The following MPRIP variants were observed in gnomAD, a reference collection of about 807,000 sequenced individuals.
MPRIP encodes the protein myosin phosphatase Rho-interacting protein.
Under a neutral mutation model 234.9 loss-of-function variants are expected in MPRIP, and 59 were observed. The ratio of observed to expected loss-of-function variants is 0.25; its 90% confidence interval spans 0.20 to 0.31. MPRIP has a LOEUF of 0.31. Among genes scored for constraint, MPRIP ranks in the 10% least tolerant of loss-of-function variants. MPRIP has a pLI of 1.00. For missense variants in MPRIP, 2,436 were observed against 3,071.0 expected (o/e 0.79, Z 4.89); for synonymous variants, 1,144 against 1,263.9 (o/e 0.91, Z 2.01).
At chr17:17,062,774 G>A (rs116807601) in intron 1 of MPRIP, among the ~76,000 whole-genome samples, 4 of 152,250 alleles carry the variant, frequency 2.6e-5, no homozygotes, top group African/African-American at 7.2e-5. Flanking sequence ...TCTCTGTTGG[G>A]TGTTGAGCTC....
At chr17:17,066,963 TC>T (rs1220983230) in intron 1 of MPRIP, among the ~76,000 whole-genome samples, 1 of 151,580 alleles carries the variant, frequency 6.6e-6, no homozygotes, top group Non-Finnish European at 1.5e-5. Flanking sequence ...GTCTTGTAGT[TC>T]CCAGGCTGGT....
rs959317778 is a variant in MPRIP, at chr17:17,101,576, A to C, written c.267+23500A>C. 1.8e-4 allele frequency among the ~76,000 whole-genome samples: 27 copies of C among 150,636 alleles called. 1 individual carries two copies. The Admixed American group carries it at 1.8e-3, about 10-fold the overall frequency. On this transcript the variant is annotated intron_variant, in intron 3 of 23. Coordinates refer to ENST00000651222, the MANE Select transcript of MPRIP (RefSeq NM_001364716.4). ...CAAGAGTGAAACTCCATCTCAAAAAAAATTTTTTTTAAACAACAACAACAA... is the reference window on the plus strand; with the variant it reads ...CAAGAGTGAAACTCCATCTCAAAAACAATTTTTTTTAAACAACAACAACAA...
At chr17:17,083,829 C>T (rs1050859332) in intron 3 of MPRIP, among the ~76,000 whole-genome samples, 7 of 152,122 alleles carry the variant, frequency 4.6e-5, no homozygotes, top group African/African-American at 9.7e-5. Context: ...CTGCAACCTC[C>T]GTCTCCCGGG....
intron 3 of MPRIP, among the ~76,000 whole-genome samples, chr17:17,123,703 C>CAAAAAAAAAAAA (rs371753802): frequency 6.8e-4 from 40 of 58,814 alleles, no homozygotes; most frequent in Non-Finnish European, 1.1e-3. Flanking sequence ...GACTTCGTCT[C>CAAAAAAAAAAAA]AAAAAAAAAA....
At chr17:17,102,099 G>T (rs1342585613) in intron 3 of MPRIP, among the ~76,000 whole-genome samples, 1 of 151,684 alleles carries the variant, frequency 6.6e-6, no homozygotes, top group Non-Finnish European at 1.5e-5. Context: ...TGTTGCCCAG[G>T]CTGGTCCCAA....
intron 8 of MPRIP, 109 bp from the exon 9 acceptor site, chr17:17,143,447 C>A: frequency 1.5e-6 from 1 of 648,140 alleles, no homozygotes; most frequent in Non-Finnish European, 2.5e-6. Context: ...CTGCCCCTCG[C>A]CAGGAGCAAG....
intron 11 of MPRIP, 22 bp from the exon 12 acceptor site, chr17:17,150,122 A>G (rs1392352642): frequency 6.3e-7 from 1 of 1,596,732 alleles, no homozygotes; most frequent in East Asian, 2.2e-5. Context: ...AAATCTCAAG[A>G]CATTCTCACT....
intron 12 of MPRIP, among the ~76,000 whole-genome samples, chr17:17,152,465 C>T (rs981619733): frequency 3.9e-5 from 6 of 152,244 alleles, no homozygotes; most frequent in South Asian, 2.1e-4. Context: ...TGATGACTTT[C>T]GGTGATCCCC....
At chr17:17,098,274 C>T (rs1444552659) in intron 3 of MPRIP, among the ~76,000 whole-genome samples, 1 of 152,222 alleles carries the variant, frequency 6.6e-6, no homozygotes, top group Non-Finnish European at 1.5e-5. Flanking sequence ...ACCTCCAAGG[C>T]CCCTCACTCT....
intron 12 of MPRIP, among the ~76,000 whole-genome samples, chr17:17,151,655 T>TGA (rs1487152012): frequency 3.6e-4 from 55 of 152,338 alleles, no homozygotes; most frequent in Admixed American, 5.9e-4. Flanking sequence ...CTGAGTTGTC[T>TGA]TGTCAGCATG....
At chr17:17,120,718 C>G (rs931626537) in intron 3 of MPRIP, among the ~76,000 whole-genome samples, 22 of 152,046 alleles carry the variant, frequency 1.4e-4, no homozygotes, top group Admixed American at 3.9e-4. Flanking sequence ...TCAAACAAAA[C>G]TAGGTGAAGC....
At chr17:17,045,855 G>C (rs1175713701) in intron 1 of MPRIP, among the ~76,000 whole-genome samples, 1 of 151,286 alleles carries the variant, frequency 6.6e-6, no homozygotes, top group East Asian at 1.9e-4. Context: ...GCCCAGGCTG[G>C]TGTGCAGTGG....
intron 5 of MPRIP, among the ~76,000 whole-genome samples, chr17:17,132,378 C>T (rs569431804): frequency 6.6e-6 from 1 of 152,228 alleles, no homozygotes; most frequent in Non-Finnish European, 1.5e-5. Context: ...GCTGCCTAAT[C>T]GCCAAGATTG....
intron 5 of MPRIP, among the ~76,000 whole-genome samples, chr17:17,132,465 C>T (rs2090616127): frequency 1.3e-5 from 2 of 152,220 alleles, no homozygotes; most frequent in African/African-American, 4.8e-5. Context: ...GTACCATACG[C>T]TACTCTTCCC....
At chr17:17,075,975 T>G in intron 2 of MPRIP, 188 bp downstream of exon 2, 1 of 568,814 alleles carries the variant, frequency 1.8e-6, no homozygotes, top group Non-Finnish European at 3.1e-6. Context: ...CATAGTTGTG[T>G]GTAGTGCTCC....
chr17:17,057,296 G>A (rs2088729343), intron 1 of MPRIP, among the ~76,000 whole-genome samples: 1 of 152,264 alleles, frequency 6.6e-6, no homozygotes, highest in South Asian at 2.1e-4. Context: ...GCCGCCATGA[G>A]GCAGTGTCAC....
intron 3 of MPRIP, among the ~76,000 whole-genome samples, chr17:17,112,170 T>C (rs1283311039): frequency 6.6e-6 from 1 of 152,180 alleles, no homozygotes; most frequent in East Asian, 1.9e-4. Context: ...AACATGCCTG[T>C]GTGAAAGGCC....
chr17:17,104,566 C>T (rs952996133), intron 3 of MPRIP, among the ~76,000 whole-genome samples: 9 of 152,170 alleles, frequency 5.9e-5, no homozygotes, highest in African/African-American at 7.2e-5. Context: ...AAGGCAGAAC[C>T]GTTTCTCCGT....
At chr17:17,157,132 A>G (rs972469824) in intron 13 of MPRIP, among the ~76,000 whole-genome samples, 1 of 152,110 alleles carries the variant, frequency 6.6e-6, no homozygotes, top group Non-Finnish European at 1.5e-5. Context: ...AGAGTCTACA[A>G]ACCTTTGCCT....
Sources: allele counts gnomAD v4.1 joint callset (sites outside exome capture counted in the v4.1 genomes callset), GRCh38; gene constraint gnomAD v4.1.1; transcripts MANE v1.5; gene names NCBI Gene and HGNC (gene_info 2026-07-23, HGNC 2026-07-21).